Variants in NSD1 observed in about 807,000 individuals in gnomAD.
NSD1 encodes the protein histone-lysine N-methyltransferase, H3 lysine-36 specific.
NSD1 carries 26 observed loss-of-function variants against 242.7 expected under a neutral mutation model. The ratio of observed to expected loss-of-function variants is 0.11; its 90% confidence interval spans 0.08 to 0.15. The LOEUF (loss-of-function observed/expected upper bound fraction) is 0.15, where lower values mean the gene tolerates loss of function less well. NSD1 is among the 10% of genes least tolerant of loss of function. The pLI, the probability that NSD1 is intolerant of heterozygous loss-of-function variation, is 1.00. For synonymous variants in NSD1, 1,106 were observed against 1,178.1 expected (o/e 0.94, Z 1.25); for missense variants, 2,495 against 3,272.8 (o/e 0.76, Z 5.80).
chr5:177,153,327 A>G (rs1022370905), intron 2 of NSD1, among the ~76,000 whole-genome samples: 2 of 151,834 alleles, frequency 1.3e-5, no homozygotes, highest in Non-Finnish European at 2.9e-5. Flanking sequence ...TTACCATTTT[A>G]CACACAGTTC....
chr5:177,258,255 C>T (rs1442968595), intron 13 of NSD1, among the ~76,000 whole-genome samples: 9 of 151,316 alleles, frequency 5.9e-5, no homozygotes, highest in African/African-American at 2.2e-4. Context: ...GCTGGGATTA[C>T]AGGTGTGAGC....
chr5:177,161,008 A>G (rs1339633549), intron 2 of NSD1, among the ~76,000 whole-genome samples: 1 of 152,054 alleles, frequency 6.6e-6, no homozygotes. Flanking sequence ...ACCTCAGGTG[A>G]TCTGCCCACT....
At chr5:177,153,854 A>G (rs918741469) in intron 2 of NSD1, among the ~76,000 whole-genome samples, 3 of 152,194 alleles carry the variant, frequency 2.0e-5, no homozygotes, top group African/African-American at 4.8e-5. Flanking sequence ...TTTTGAGAAC[A>G]TAAGTTTTTA....
intron 3 of NSD1, among the ~76,000 whole-genome samples, chr5:177,192,460 G>A (rs1761771769): frequency 6.6e-6 from 1 of 151,904 alleles, no homozygotes; most frequent in African/African-American, 2.4e-5. Flanking sequence ...GCAGTGGCGT[G>A]ATCTCAGCTT....
intron 5 of NSD1, chr5:177,221,000 G>A (rs1046974660): frequency 2.2e-5 from 10 of 453,902 alleles, no homozygotes; most frequent in Non-Finnish European, 4.4e-5. Flanking sequence ...AGTAGCTGGG[G>A]CTACAGGTGC....
chr5:177,237,356 A>G (rs1362129809), intron 6 of NSD1, among the ~76,000 whole-genome samples: 2 of 152,000 alleles, frequency 1.3e-5, no homozygotes, highest in African/African-American at 4.8e-5. Flanking sequence ...CAATTGTAAC[A>G]TTAAGGAGTT....
Position 177,294,446 on chromosome 5 carries a change from A to C in NSD1, c.7078A>C (p.Arg2360=). The C allele has an allele frequency of 1.2e-6, 2 of 1,614,194 alleles. No homozygotes were observed. Among genetic ancestry groups the C allele is most frequent in the Non-Finnish European group, 1.7e-6 (2 of 1,180,026 alleles). ...AAGACCTCTGGGGACGGCTGACCCA[A>C]GGCTGGATAAATCCATAGGTGCTGC... The part of the protein sequence containing the change: ...LERPLGTADP[R]LDKSIGAASP... The change falls in exon 23 of 23, where the codon AGG becomes CGG. Residue 2360 remains arginine (R), a synonymous_variant. Coordinates refer to ENST00000439151, the MANE Select transcript of NSD1 (RefSeq NM_022455.5).
chr5:177,159,021 TATATGAATG>T (rs1182386022), intron 2 of NSD1, among the ~76,000 whole-genome samples: 425 of 123,446 alleles, frequency 3.4e-3, no homozygotes, highest in Non-Finnish European at 4.9e-3. Context: ...TATATATATA[TATATGAATG>T]ATATATATAT....
intron 2 of NSD1, among the ~76,000 whole-genome samples, chr5:177,155,717 C>T (rs1758074250): frequency 6.6e-6 from 1 of 151,992 alleles, no homozygotes; most frequent in Non-Finnish European, 1.5e-5. Context: ...ACCAGAGTCT[C>T]ACTCTGTCGC....
At position 177,244,175 on chromosome 5, in the gene NSD1, T is replaced by G; in HGVS notation, c.4303-20T>G. The stretch of plus-strand genomic sequence containing the variant: ...TTTTTTCATTCCTCTGTAAATGGTG[T>G]TGTTTTCACTTATTTATAGTGCTAT... On this transcript the variant is annotated intron_variant, in intron 8 of 22. Transcript: ENST00000439151. 15 of 1,565,770 alleles carry G rather than the reference T, an allele frequency of 9.6e-6. No homozygotes were observed. The highest frequency in any genetic ancestry group is 1.3e-5 in the Non-Finnish European group (15 of 1,136,948).
rs1330701933 is a variant in NSD1 at position 177,300,055 on chromosome 5, G to A, written c.*4596G>A. On this transcript the variant is annotated 3_prime_UTR_variant, in exon 23 of 23. Transcript: ENST00000439151. ...CAAGGTCCATCATTGCTTTTTTGCC[G>A]CGCCCCCCCCCCCCCGCCCCCATAG... The A allele has an allele frequency of 8.1e-5, 11 of 135,820 alleles. No individual in the cohort carries two copies. Among genetic ancestry groups the A allele is most frequent in the Non-Finnish European group, 1.2e-4 (10 of 80,294 alleles). The allele number at this position is 135,820 out of a possible 1,614,324, so 8.4% of individuals were successfully genotyped here. A position where few individuals can be genotyped will look rare whatever the true frequency, so the allele number is the denominator to read the frequency against.
In NSD1 at chr5:177,165,683, C is replaced by A. The variant is rs114687935; in HGVS notation, c.928-26201C>A. Among the ~76,000 whole-genome samples the A allele has an allele frequency of 2.5e-3, 375 of 152,166 alleles. 2 individuals carry two copies. Among genetic ancestry groups the A allele is most frequent in the African/African-American group, 8.7e-3 (361 of 41,526 alleles). The stretch of plus-strand genomic sequence containing the variant: ...TCATAGCTTACTACAGCCTCGACTT[C>A]CCTGGGCTGAAGCAATCCTTACCTC... On this transcript the variant is annotated intron_variant, in intron 2 of 22. Transcript: ENST00000439151.
chr5:177,195,059 T>C (rs549371467), intron 3 of NSD1, among the ~76,000 whole-genome samples: 116 of 152,194 alleles, frequency 7.6e-4, no homozygotes, highest in African/African-American at 2.7e-3. Context: ...CTGGGGAGGC[T>C]GAGGCAGAAG....
At chr5:177,179,925 G>A (rs918014678) in intron 2 of NSD1, among the ~76,000 whole-genome samples, 1 of 151,586 alleles carries the variant, frequency 6.6e-6, no homozygotes, top group Admixed American at 6.6e-5. Context: ...TTATTTTTTT[G>A]AGACTTGCCC....
intron 5 of NSD1, among the ~76,000 whole-genome samples, chr5:177,234,519 A>G (rs1765295692): frequency 6.6e-6 from 1 of 152,108 alleles, no homozygotes; most frequent in Non-Finnish European, 1.5e-5. Context: ...GAGTTCGAGA[A>G]CAGCCTGGCC....
intron 2 of NSD1, among the ~76,000 whole-genome samples, chr5:177,160,447 C>T (rs183640738): frequency 2.6e-5 from 4 of 151,652 alleles, no homozygotes; most frequent in Admixed American, 2.0e-4. Flanking sequence ...GTTACAGGCA[C>T]GTGCCACGAC....
At chr5:177,234,812 C>T (rs1396081626) in intron 5 of NSD1, among the ~76,000 whole-genome samples, 1 of 151,772 alleles carries the variant, frequency 6.6e-6, no homozygotes, top group Admixed American at 6.6e-5. Context: ...AAAGCTATCC[C>T]ACAGAATGCC....
intron 2 of NSD1, among the ~76,000 whole-genome samples, chr5:177,136,708 C>G (rs772842264): frequency 7.2e-5 from 11 of 151,926 alleles, no homozygotes; most frequent in Admixed American, 6.6e-4. Flanking sequence ...ATTCTCCTGC[C>G]TCACCCTCCC....
chr5:177,233,615 G>A (rs538834385), intron 5 of NSD1, among the ~76,000 whole-genome samples: 6 of 142,236 alleles, frequency 4.2e-5, no homozygotes, highest in South Asian at 2.3e-4. Context: ...CTGAGCCACC[G>A]CACCTGCCCC....
Sources: allele counts gnomAD v4.1 joint callset (sites outside exome capture counted in the v4.1 genomes callset), GRCh38; gene constraint gnomAD v4.1.1; transcripts MANE v1.5; gene names NCBI Gene and HGNC (gene_info 2026-07-23, HGNC 2026-07-21).